The following STK3 variants were observed in gnomAD, a reference collection of about 807,000 sequenced individuals.
STK3 encodes serine/threonine-protein kinase 3.
Under a neutral mutation model 58.0 loss-of-function variants are expected in STK3, and 41 were observed. The observed-to-expected ratio is 0.71, with a 90% confidence interval of 0.55 to 0.92. STK3 has a LOEUF of 0.92. STK3 is among the 40% of genes least tolerant of loss of function. STK3 has a pLI of 0.00. For synonymous variants in STK3, 170 were observed against 191.0 expected, an observed-to-expected ratio of 0.89 and a Z score of 0.91; for missense variants, 479 against 602.7, an observed-to-expected ratio of 0.79 and a Z score of 2.15.
At chr8:98,718,736 A>C (rs978058693) in intron 4 of STK3, among the ~76,000 whole-genome samples, 1 of 152,112 alleles carries the variant, frequency 6.6e-6, no homozygotes, top group Non-Finnish European at 1.5e-5. Flanking sequence ...ATAAAATGTT[A>C]ATGTTTAATA....
At chr8:98,677,768 C>T (rs572831533) in intron 6 of STK3, among the ~76,000 whole-genome samples, 1 of 152,240 alleles carries the variant, frequency 6.6e-6, no homozygotes, top group East Asian at 1.9e-4. Flanking sequence ...CCTTTTTCTT[C>T]CCTCTCCTAG....
intron 3 of STK3, among the ~76,000 whole-genome samples, chr8:98,847,622 T>C (rs1836260872): frequency 6.6e-6 from 1 of 152,182 alleles, no homozygotes; most frequent in Non-Finnish European, 1.5e-5. Context: ...ACCTTTGTAG[T>C]GCTGAGAAGT....
rs977045194 is a variant in STK3, at chr8:98,558,482, T to G, written c.949-10321A>C. ...TTCAGTAACCTCCACTTGCATATAA[T>G]AGCATGAACTCAATGAACAGGTGGT... On this transcript the variant is annotated intron_variant, in intron 8 of 10. Transcript: ENST00000419617. Among the ~76,000 whole-genome samples the G allele has an allele frequency of 6.6e-5, 10 of 152,222 alleles. No homozygotes were observed. In the South Asian group the frequency reaches 1.0e-3, roughly 16 times the overall value.
At chr8:98,723,931 T>A (rs1478136788) in intron 4 of STK3, among the ~76,000 whole-genome samples, 2 of 152,144 alleles carry the variant, frequency 1.3e-5, no homozygotes, top group South Asian at 4.1e-4. Flanking sequence ...GTGTTAACAA[T>A]GGTGATAACA....
At chr8:98,592,765 ATT>A (rs1398336065) in intron 7 of STK3, among the ~76,000 whole-genome samples, 6 of 149,950 alleles carry the variant, frequency 4.0e-5, no homozygotes, top group South Asian at 4.2e-4. Flanking sequence ...TTATTTATTT[ATT>A]TATTTATTTA....
At chr8:98,600,909 G>A (rs1214754991) in intron 6 of STK3, among the ~76,000 whole-genome samples, 1 of 152,086 alleles carries the variant, frequency 6.6e-6, no homozygotes, top group Non-Finnish European at 1.5e-5. Flanking sequence ...CTAGTATGCA[G>A]CAATAAAAAC....
intron 2 of STK3, among the ~76,000 whole-genome samples, chr8:98,374,505 C>T (rs1351612727): frequency 6.6e-6 from 1 of 152,268 alleles, no homozygotes; most frequent in Admixed American, 6.5e-5. Flanking sequence ...CTGGCAGTAG[C>T]TTAGCCCTGC....
At chr8:98,468,599 C>T (rs1350896211) in intron 10 of STK3, among the ~76,000 whole-genome samples, 1 of 152,152 alleles carries the variant, frequency 6.6e-6, no homozygotes, top group African/African-American at 2.4e-5. Flanking sequence ...AATATGCTCA[C>T]AAATGCTATG....
intron 10 of STK3, among the ~76,000 whole-genome samples, chr8:98,516,012 C>A (rs935198836): frequency 6.6e-6 from 1 of 151,748 alleles, no homozygotes. Context: ...GTTTATTAGC[C>A]AAAACAAAAG....
intron 3 of STK3, among the ~76,000 whole-genome samples, chr8:98,849,225 CAAAA>C (rs1013187542): frequency 1.3e-4 from 7 of 52,142 alleles, no homozygotes; most frequent in Admixed American, 2.1e-4. Flanking sequence ...GACTCCATCT[CAAAA>C]AAAAAAAAAA....
intron 1 of STK3, among the ~76,000 whole-genome samples, chr8:98,919,505 G>C (rs1188484552): frequency 6.6e-6 from 1 of 152,112 alleles, no homozygotes; most frequent in African/African-American, 2.4e-5. Context: ...TGACTGAGAA[G>C]GTACAAGAAG....
At chr8:98,711,281 C>T (rs1186725127) in intron 4 of STK3, among the ~76,000 whole-genome samples, 3 of 152,134 alleles carry the variant, frequency 2.0e-5, no homozygotes, top group African/African-American at 7.2e-5. Context: ...CAAAGCTAGA[C>T]AGAGAGTGAC....
At chr8:98,389,978 T>A (rs1305385918), upstream of STK3, among the ~76,000 whole-genome samples, 3 of 151,980 alleles carry the variant, frequency 2.0e-5, no homozygotes, top group Non-Finnish European at 4.4e-5. Context: ...GAGCCCCCCT[T>A]TCCCCACAGC....
At chr8:98,569,897 C>T (rs1812822602) in intron 8 of STK3, among the ~76,000 whole-genome samples, 1 of 145,490 alleles carries the variant, frequency 6.9e-6, no homozygotes. Context: ...ACTGGTTTTC[C>T]TCAAAAAAAA....
intron 3 of STK3, among the ~76,000 whole-genome samples, chr8:98,415,741 A>G (rs1421979787): frequency 3.9e-5 from 6 of 152,286 alleles, no homozygotes; most frequent in Non-Finnish European, 8.8e-5. Flanking sequence ...ACTCAATAAA[A>G]GTAAACTTCA....
chr8:98,757,925 T>C (rs537798194), intron 3 of STK3, among the ~76,000 whole-genome samples: 3 of 152,204 alleles, frequency 2.0e-5, no homozygotes, highest in African/African-American at 4.8e-5. Context: ...GGATCAAACA[T>C]GATGTTGTTC....
At position 98,761,628 on chromosome 8, in the gene STK3, C is replaced by T. The variant is rs147530404; in HGVS notation, c.236+5615G>A. On this transcript the variant is annotated intron_variant, in intron 3 of 10. Coordinates refer to ENST00000419617, the MANE Select transcript of STK3 (RefSeq NM_006281.4). ...TGTTCTATAACTTAGTATGGTAATA[C>T]AGTGTTTTTACAAAGGCAATGTGGA... is the stretch of plus-strand genomic sequence containing the variant. Among the ~76,000 whole-genome samples, 1,305 of 152,150 alleles carry T rather than the reference C, an allele frequency of 8.6e-3. 10 individuals carry two copies. The highest frequency in any genetic ancestry group is 0.03 in the African/African-American group (1,229 of 41,508).
intron 4 of STK3, among the ~76,000 whole-genome samples, chr8:98,739,545 G>A (rs1288361024): frequency 2.7e-5 from 4 of 147,950 alleles, no homozygotes; most frequent in Non-Finnish European, 4.5e-5. Flanking sequence ...CTGTCTGTTA[G>A]AAGGAAAACT....
At chr8:98,910,576 GA>G (rs1839090333) in intron 1 of STK3, among the ~76,000 whole-genome samples, 1 of 152,118 alleles carries the variant, frequency 6.6e-6, no homozygotes, top group African/African-American at 2.4e-5. Context: ...ATATTTTTAC[GA>G]AAATCCTGTC....
Sources: allele counts gnomAD v4.1 joint callset (sites outside exome capture counted in the v4.1 genomes callset), GRCh38; gene constraint gnomAD v4.1.1; transcripts MANE v1.5; gene names NCBI Gene and HGNC (gene_info 2026-07-23, HGNC 2026-07-21).